The following NELL1 variants were observed in gnomAD, a reference collection of about 807,000 sequenced individuals.
NELL1 encodes neural EGFL like 1, also known as protein kinase C-binding protein NELL1.
In NELL1, 76 loss-of-function variants were observed where a neutral mutation model predicts 107.4. That is an observed-to-expected ratio of 0.71 (90% confidence interval 0.59 to 0.86). The LOEUF (loss-of-function observed/expected upper bound fraction) is 0.86. Among genes scored for constraint, NELL1 ranks in the 40% least tolerant of loss-of-function variants. NELL1 has a pLI of 0.00. For missense variants in NELL1, 1,024 were observed against 1,005.5 expected (o/e 1.02, Z -0.25); for synonymous variants, 353 against 341.2 (o/e 1.03, Z -0.38).
chr11:20,746,089 C>G (rs1234911924), intron 2 of NELL1, among the ~76,000 whole-genome samples: 1 of 152,126 alleles, frequency 6.6e-6, no homozygotes, highest in East Asian at 1.9e-4. Context: ...AGGAGCCAAA[C>G]AGTGACAGAG....
intron 16 of NELL1, among the ~76,000 whole-genome samples, chr11:21,542,722 C>A (rs146495613): frequency 6.6e-6 from 1 of 151,904 alleles, no homozygotes. Flanking sequence ...AGAAAATGAT[C>A]GGCAGATTTT....
At chr11:21,108,147 C>T (rs1565064098) in intron 12 of NELL1, among the ~76,000 whole-genome samples, 1 of 152,090 alleles carries the variant, frequency 6.6e-6, no homozygotes, top group Admixed American at 6.5e-5. Flanking sequence ...TTTTCCCCTC[C>T]TAAGTATATC....
At chr11:21,211,825 G>C (rs1857503857) in intron 13 of NELL1, among the ~76,000 whole-genome samples, 1 of 151,866 alleles carries the variant, frequency 6.6e-6, no homozygotes. Flanking sequence ...TTTTTTGTTT[G>C]TTTGGTTTTT....
At chr11:20,875,991 C>G (rs1268111442) in intron 4 of NELL1, among the ~76,000 whole-genome samples, 1 of 152,228 alleles carries the variant, frequency 6.6e-6, no homozygotes, top group Non-Finnish European at 1.5e-5. Flanking sequence ...TGTTGACACC[C>G]TGCTCTCAAA....
Position 20,847,721 on chromosome 11 carries a change from C to T in NELL1, c.474C>T (p.Ala158=), listed in dbSNP as rs753450930. ...QWHKVALSVS[A]SHLLLHVDCN... Reference sequence around the variant, plus strand: ...ACAAGGTTGCACTGTCAGTTAGCGCCTCTCATCTCCTGCTCCATGTCGACT... The same window carrying T: ...ACAAGGTTGCACTGTCAGTTAGCGCTTCTCATCTCCTGCTCCATGTCGACT... Residue 158 remains alanine, a synonymous_variant, in exon 4 of 20, where the codon GCC becomes GCT. Transcript: ENST00000357134. The T allele has an allele frequency of 1.9e-6, 3 of 1,612,936 alleles. No individual in the cohort carries two copies. Among genetic ancestry groups the T allele is most frequent in the Non-Finnish European group, 2.5e-6 (3 of 1,179,458 alleles).
intron 3 of NELL1, among the ~76,000 whole-genome samples, chr11:20,806,537 G>A (rs1380701435): frequency 1.3e-5 from 2 of 151,864 alleles, no homozygotes; most frequent in African/African-American, 4.8e-5. Flanking sequence ...AAATTTGCTT[G>A]GTGTTCTGTA....
intron 3 of NELL1, among the ~76,000 whole-genome samples, chr11:20,804,542 T>C (rs994239356): frequency 7.9e-5 from 12 of 152,218 alleles, no homozygotes; most frequent in African/African-American, 2.2e-4. Context: ...TGTTGATCCA[T>C]TGGTCATTTA....
At chr11:21,428,334 C>A (rs1350848930) in intron 15 of NELL1, among the ~76,000 whole-genome samples, 1 of 152,070 alleles carries the variant, frequency 6.6e-6, no homozygotes, top group Non-Finnish European at 1.5e-5. Context: ...AGCATTAGTA[C>A]AAATAATTTT....
chr11:21,085,745 A>G (rs1357108355), intron 12 of NELL1, among the ~76,000 whole-genome samples: 1 of 152,234 alleles, frequency 6.6e-6, no homozygotes, highest in Non-Finnish European at 1.5e-5. Flanking sequence ...GCATTGTTAG[A>G]GTAGAATAGG....
chr11:20,806,595 T>A (rs1291972495), intron 3 of NELL1, among the ~76,000 whole-genome samples: 1 of 152,170 alleles, frequency 6.6e-6, no homozygotes, highest in Admixed American at 6.5e-5. Flanking sequence ...TTTGGGAAGC[T>A]CCTTGTTATT....
chr11:20,882,651 A>G (rs1590377088), intron 4 of NELL1, among the ~76,000 whole-genome samples: 1 of 152,210 alleles, frequency 6.6e-6, no homozygotes, highest in African/African-American at 2.4e-5. Flanking sequence ...TAAGAACAAG[A>G]CTTTCACTTA....
chr11:21,169,748 C>A, intron 13 of NELL1: 2 of 1,042,792 alleles, frequency 1.9e-6, no homozygotes, highest in Non-Finnish European at 2.8e-6. Flanking sequence ...ACCAGTCTGA[C>A]TCCTAGGCAT....
At chr11:21,224,912 C>A (rs1857853722) in intron 13 of NELL1, among the ~76,000 whole-genome samples, 1 of 152,112 alleles carries the variant, frequency 6.6e-6, no homozygotes, top group Non-Finnish European at 1.5e-5. Flanking sequence ...CTTGCTGAAT[C>A]TCCTTAAGAT....
At chr11:20,676,335 G>A (rs1333959890) in intron 1 of NELL1, among the ~76,000 whole-genome samples, 1 of 150,220 alleles carries the variant, frequency 6.7e-6, no homozygotes, top group Non-Finnish European at 1.5e-5. Flanking sequence ...TTATTCATTT[G>A]TTTATTTTTT....
At chr11:20,824,989 T>A (rs577454234) in intron 3 of NELL1, among the ~76,000 whole-genome samples, 1 of 151,330 alleles carries the variant, frequency 6.6e-6, no homozygotes, top group East Asian at 1.9e-4. Context: ...CAGCAGCCAC[T>A]CCCATCACAG....
At chr11:21,177,222 G>A (rs4338524) in intron 13 of NELL1, among the ~76,000 whole-genome samples, 94,596 of 151,354 alleles carry the variant, frequency 0.62, 29,987 homozygotes, top group Admixed American at 0.73. Context: ...TCTAACTGAA[G>A]CTTTGTACAT....
chr11:21,262,986 G>A (rs780449935), intron 14 of NELL1, among the ~76,000 whole-genome samples: 11 of 151,680 alleles, frequency 7.3e-5, no homozygotes, highest in Non-Finnish European at 1.5e-4. Context: ...TGGAGACTTC[G>A]TTCACTTTAT....
chr11:21,261,389 C>T (rs989238485), intron 14 of NELL1, among the ~76,000 whole-genome samples: 7 of 151,724 alleles, frequency 4.6e-5, no homozygotes, highest in Admixed American at 2.0e-4. Flanking sequence ...TTGTTCCCCT[C>T]TACATGTCCT....
At chr11:20,783,320 G>A (rs958982539) in intron 2 of NELL1, among the ~76,000 whole-genome samples, 1 of 152,120 alleles carries the variant, frequency 6.6e-6, no homozygotes, top group African/African-American at 2.4e-5. Context: ...TAATCTGTTT[G>A]CAGCAAACTG....
Sources: allele counts gnomAD v4.1 joint callset (sites outside exome capture counted in the v4.1 genomes callset), GRCh38; gene constraint gnomAD v4.1.1; transcripts MANE v1.5; gene names NCBI Gene and HGNC (gene_info 2026-07-23, HGNC 2026-07-21).